SCAI: variants seen among roughly 807,000 people sequenced by gnomAD.
SCAI encodes the protein protein SCAI.
A neutral mutation model predicts 92.2 loss-of-function variants in SCAI; 24 were observed. That is an observed-to-expected ratio of 0.26 (90% CI 0.19 to 0.37). The LOEUF is 0.37. SCAI is among the 10% of genes least tolerant of loss of function. The probability of loss-of-function intolerance (pLI) is 1.00; values close to 1 mark genes in which losing one functional copy is unlikely to be tolerated. For synonymous variants in SCAI, 261 were observed against 258.6 expected (o/e 1.01, Z -0.09); for missense variants, 450 against 736.2 (o/e 0.61, Z 4.50).
intron 14 of SCAI, among the ~76,000 whole-genome samples, chr9:124,991,467 C>A (rs1355418017): frequency 6.6e-6 from 1 of 151,412 alleles, no homozygotes. Context: ...CATAAAACAT[C>A]CAGACCTATA....
intron 9 of SCAI, among the ~76,000 whole-genome samples, chr9:125,006,544 T>G (rs1836448802): frequency 6.6e-6 from 1 of 152,170 alleles, no homozygotes. Flanking sequence ...CAGGCTGGAG[T>G]GCAGTGGCGC....
At chr9:124,981,342 G>C (rs528055019) in intron 14 of SCAI, among the ~76,000 whole-genome samples, 17 of 152,148 alleles carry the variant, frequency 1.1e-4, no homozygotes, top group African/African-American at 3.6e-4. Flanking sequence ...TTACTGTTTT[G>C]TGTCCTCTTC....
intron 17 of SCAI, chr9:124,971,128 C>T (rs1015729307): frequency 1.3e-5 from 3 of 232,306 alleles, no homozygotes; most frequent in Admixed American, 5.6e-5. Flanking sequence ...AAATGTTCTA[C>T]TTTTAAACAA....
chr9:125,107,785 A>G (rs1834831675), intron 2 of SCAI, among the ~76,000 whole-genome samples: 1 of 152,124 alleles, frequency 6.6e-6, no homozygotes, highest in Non-Finnish European at 1.5e-5. Flanking sequence ...AAATTTTAAA[A>G]TGAGTAAATA....
At chr9:125,111,038 C>T (rs1834919233) in intron 2 of SCAI, among the ~76,000 whole-genome samples, 1 of 152,016 alleles carries the variant, frequency 6.6e-6, no homozygotes, top group Admixed American at 6.5e-5. Flanking sequence ...CTTGGATAAC[C>T]ATTTATAAGG....
At position 125,091,773 on chromosome 9, in the gene SCAI, T is replaced by G. The variant is rs906189255; in HGVS notation, c.99-35766A>C. ...CAAACATCCAACATCTCATCCGCCA[T>G]CCCCACTTTTCAGCTGATGGCAATT... On this transcript the variant is annotated intron_variant, in intron 2 of 17. Coordinates refer to ENST00000336505, the MANE Select transcript of SCAI (RefSeq NM_001144877.3). This position sits in a 1 kb window ranked among gnomAD's most constrained non-coding sequence, Gnocchi z 4.3. Among the ~76,000 whole-genome samples the G allele has an allele frequency of 6.6e-6, 1 of 151,964 alleles. No individual in the cohort carries two copies. The highest frequency in any genetic ancestry group is 1.5e-5 in the Non-Finnish European group (1 of 68,006).
chr9:124,982,371 AG>A (rs1214227273), intron 14 of SCAI, among the ~76,000 whole-genome samples: 1 of 152,120 alleles, frequency 6.6e-6, no homozygotes, highest in African/African-American at 2.4e-5. Flanking sequence ...CTGACTCTAA[AG>A]GTTTCAAAGT....
At chr9:125,093,570 T>A (rs571058455) in intron 2 of SCAI, among the ~76,000 whole-genome samples, 1 of 149,390 alleles carries the variant, frequency 6.7e-6, no homozygotes, top group Non-Finnish European at 1.5e-5. Flanking sequence ...ACACCTCCTT[T>A]TTTTTTTTTT....
chr9:124,990,729 G>C (rs1190871475), intron 14 of SCAI, among the ~76,000 whole-genome samples: 1 of 152,126 alleles, frequency 6.6e-6, no homozygotes, highest in African/African-American at 2.4e-5. Context: ...AAAGAAAAAT[G>C]GTGGTTAAAA....
intron 2 of SCAI, among the ~76,000 whole-genome samples, chr9:125,097,341 G>A (rs529365134): frequency 3.5e-4 from 53 of 152,164 alleles, no homozygotes; most frequent in Admixed American, 1.6e-3. Flanking sequence ...GCTGAGACAG[G>A]AGAATTGCTT....
At chr9:125,070,574 T>C (rs770886504) in intron 2 of SCAI, among the ~76,000 whole-genome samples, 1 of 152,054 alleles carries the variant, frequency 6.6e-6, no homozygotes, top group Non-Finnish European at 1.5e-5. Flanking sequence ...AGTTTTTGTA[T>C]TTTTAGTAGA....
At chr9:124,975,331 C>T in intron 15 of SCAI, 2 of 456,614 alleles carry the variant, frequency 4.4e-6, no homozygotes, top group Non-Finnish European at 8.8e-6. Context: ...TGTCAGCAGA[C>T]AGGACTTCTG....
chr9:125,077,038 G>C (rs1834104733), intron 2 of SCAI, among the ~76,000 whole-genome samples: 2 of 152,136 alleles, frequency 1.3e-5, no homozygotes, highest in South Asian at 4.1e-4. Flanking sequence ...GAAAAAATCA[G>C]CCAGGCATGA....
intron 2 of SCAI, among the ~76,000 whole-genome samples, chr9:125,111,098 A>G (rs1042870478): frequency 6.6e-6 from 1 of 152,202 alleles, no homozygotes; most frequent in South Asian, 2.1e-4. Flanking sequence ...TACAAAATAT[A>G]GATGTAAAAA....
chr9:124,987,789 C>T (rs893159631), intron 14 of SCAI, among the ~76,000 whole-genome samples: 3 of 151,996 alleles, frequency 2.0e-5, no homozygotes, highest in African/African-American at 7.3e-5. Flanking sequence ...TGGGGAAACC[C>T]TGTCTCTACT....
At chr9:125,069,975 A>C (rs934249334) in intron 2 of SCAI, among the ~76,000 whole-genome samples, 3 of 152,194 alleles carry the variant, frequency 2.0e-5, no homozygotes, top group African/African-American at 7.2e-5. Context: ...TGTATAATTA[A>C]GCATGAGCAT....
chr9:124,992,274 G>A (rs906637574), intron 14 of SCAI, among the ~76,000 whole-genome samples: 1 of 151,956 alleles, frequency 6.6e-6, no homozygotes, highest in Non-Finnish European at 1.5e-5. Flanking sequence ...CTACCAAAGA[G>A]AACTACATGC....
intron 3 of SCAI, among the ~76,000 whole-genome samples, chr9:125,037,919 GA>G (rs983965723): frequency 5.5e-5 from 8 of 146,010 alleles, no homozygotes; most frequent in African/African-American, 1.3e-4. Flanking sequence ...TCCATCTCAG[GA>G]AAAAAAAAAG....
At chr9:125,020,112 A>C (rs905076306) in intron 7 of SCAI, among the ~76,000 whole-genome samples, 3 of 151,876 alleles carry the variant, frequency 2.0e-5, no homozygotes. Flanking sequence ...CACAAAACCC[A>C]AAAAACCAAC....
Sources: gnomAD v4.1 joint callset for allele counts (sites outside exome capture counted in the v4.1 genomes callset) on GRCh38, gnomAD v4.1.1 for gene constraint, Gnocchi (gnomAD v3.1) non-coding constraint, MANE v1.5 for transcripts, NCBI Gene and HGNC (gene_info 2026-07-23, HGNC 2026-07-21) for gene names.